TMEM196: variants seen among roughly 807,000 people sequenced by gnomAD.
TMEM196 encodes the protein transmembrane protein 196.
TMEM196 carries 17 observed loss-of-function variants against 20.0 expected under a neutral mutation model. That is an observed-to-expected ratio of 0.85 (90% CI 0.58 to 1.27). The LOEUF (loss-of-function observed/expected upper bound fraction) is 1.27, where lower values mean the gene tolerates loss of function less well. TMEM196 is among the 50% of genes most tolerant of loss of function. The pLI, the probability that TMEM196 is intolerant of heterozygous loss-of-function variation, is 0.00. For synonymous variants in TMEM196, 113 were observed against 88.9 expected (o/e 1.27, Z -1.52); for missense variants, 267 against 223.0 (o/e 1.20, Z -1.26).
At chr7:19,723,590 C>CA (rs1287929335) in intron 4 of TMEM196, among the ~76,000 whole-genome samples, 12 of 151,998 alleles carry the variant, frequency 7.9e-5, no homozygotes, top group African/African-American at 2.4e-4. Context: ...CTCCAGTTTG[C>CA]AAAAAAATTT....
intron 1 of TMEM196, among the ~76,000 whole-genome samples, chr7:19,759,323 G>C (rs1785338467): frequency 6.6e-6 from 1 of 151,992 alleles, no homozygotes; most frequent in Non-Finnish European, 1.5e-5. Flanking sequence ...CCACTCTTTT[G>C]GTCCTCAGCA....
chr7:19,765,002 C>G lies in TMEM196; in HGVS notation c.147+7548G>C, dbSNP rs193007649. 2.3e-4 allele frequency among the ~76,000 whole-genome samples: 35 copies of G among 152,242 alleles called. No homozygotes were observed. The East Asian group carries it at 5.6e-3, about 24-fold the overall frequency. On this transcript the variant is annotated intron_variant, in intron 1 of 4. Coordinates refer to ENST00000405844, the MANE Select transcript of TMEM196 (RefSeq NM_001363562.2). ...AGACTTTGAAACAATATTGCTCTGA[C>G]TTAAAGTACTGACTAAGCTGATTAA...
At chr7:19,728,245 C>G (rs894373114) in intron 2 of TMEM196, among the ~76,000 whole-genome samples, 3 of 151,622 alleles carry the variant, frequency 2.0e-5, no homozygotes, top group African/African-American at 7.3e-5. Context: ...TGCTTCCTTG[C>G]TTGTTTACTT....
chr7:19,770,952 G>C (rs1040968064), intron 1 of TMEM196, among the ~76,000 whole-genome samples: 1 of 142,668 alleles, frequency 7.0e-6, no homozygotes, highest in African/African-American at 2.5e-5. Context: ...GAATTTCGTT[G>C]GGGGCGGGGA....
intron 1 of TMEM196, among the ~76,000 whole-genome samples, chr7:19,755,689 C>A (rs914100907): frequency 3.3e-5 from 5 of 152,102 alleles, no homozygotes; most frequent in Non-Finnish European, 5.9e-5. Flanking sequence ...AAAAATAACA[C>A]AAATTGTCTT....
Position 19,759,177 on chromosome 7 carries a change from A to T in TMEM196, c.147+13373T>A, listed in dbSNP as rs187043182. Among the ~76,000 whole-genome samples, 6 of 152,264 alleles carry T rather than the reference A, an allele frequency of 3.9e-5. No homozygotes were observed. The East Asian group carries it at 1.2e-3, about 29-fold the overall frequency. On this transcript the variant is annotated intron_variant, in intron 1 of 4. Coordinates refer to ENST00000405844, the MANE Select transcript of TMEM196 (RefSeq NM_001363562.2). ...TACAATGTCTAGATTCTCAATTCTC[A>T]TTATATTTTCAGCACACATTGGCCT... is the stretch of plus-strand genomic sequence containing the variant.
In TMEM196 at chr7:19,732,972, G is replaced by C. The variant is rs191185251; in HGVS notation, c.148-3534C>G. The stretch of plus-strand genomic sequence containing the variant: ...CTGATAGCTGTATGTATGTGCATAT[G>C]TGTAAAGCCTGAACCATGAGAAAAT... On this transcript the variant is annotated intron_variant, in intron 1 of 4. Coordinates refer to ENST00000405844, the MANE Select transcript of TMEM196 (RefSeq NM_001363562.2). 3.3e-4 allele frequency among the ~76,000 whole-genome samples: 51 copies of C among 152,326 alleles called. No individual in the cohort carries two copies. In the East Asian group the frequency reaches 8.9e-3, roughly 26 times the overall value.
At chr7:19,728,462 G>T (rs1174273082) in intron 2 of TMEM196, among the ~76,000 whole-genome samples, 2 of 152,208 alleles carry the variant, frequency 1.3e-5, no homozygotes, top group Middle Eastern at 3.4e-3. Flanking sequence ...GTCTAAAGCA[G>T]TGAGGGCTTT....
chr7:19,770,538 A>G, intron 1 of TMEM196, among the ~76,000 whole-genome samples: 1 of 152,310 alleles, frequency 6.6e-6, no homozygotes, highest in Non-Finnish European at 1.5e-5. Flanking sequence ...GGGTTTATAA[A>G]AGTGAGCAAC....
At chr7:19,738,686 G>T (rs955297080) in intron 1 of TMEM196, among the ~76,000 whole-genome samples, 1 of 152,008 alleles carries the variant, frequency 6.6e-6, no homozygotes, top group African/African-American at 2.4e-5. Flanking sequence ...AATGACTAAA[G>T]GCTGGAGCAA....
chr7:19,730,387 C>T (rs1784162625), intron 1 of TMEM196, among the ~76,000 whole-genome samples: 1 of 152,070 alleles, frequency 6.6e-6, no homozygotes, highest in Non-Finnish European at 1.5e-5. Context: ...CAAGGAGAGA[C>T]TATTAGATAT....
chr7:19,740,133 C>G (rs551691631), intron 1 of TMEM196, among the ~76,000 whole-genome samples: 45 of 152,180 alleles, frequency 3.0e-4, no homozygotes, highest in African/African-American at 1.1e-3. Context: ...CAGTAGATAA[C>G]TGGTTAAATT....
chr7:19,771,919 C>T (rs1443927222), intron 1 of TMEM196, among the ~76,000 whole-genome samples: 1 of 152,188 alleles, frequency 6.6e-6, no homozygotes, highest in Non-Finnish European at 1.5e-5. Flanking sequence ...CTGTCTAGAA[C>T]TTACAAAAGC....
At chr7:19,744,489 G>A (rs747258039) in intron 1 of TMEM196, among the ~76,000 whole-genome samples, 6 of 152,116 alleles carry the variant, frequency 3.9e-5, no homozygotes, top group South Asian at 2.1e-4. Flanking sequence ...TACCCACAAA[G>A]GTTGCAGCAA....
intron 1 of TMEM196, among the ~76,000 whole-genome samples, chr7:19,748,606 T>C (rs922019918): frequency 1.3e-5 from 2 of 152,172 alleles, no homozygotes; most frequent in Non-Finnish European, 2.9e-5. Flanking sequence ...GGTAGTACTA[T>C]GCCTAAGGGA....
intron 1 of TMEM196, among the ~76,000 whole-genome samples, chr7:19,736,410 C>T (rs1009249422): frequency 5.9e-5 from 7 of 118,058 alleles, no homozygotes; most frequent in Non-Finnish European, 1.8e-5. Flanking sequence ...TAAATTATCT[C>T]TGTAAAATGG....
chr7:19,721,999 G>A lies in TMEM196; in HGVS notation c.*129C>T. Reference sequence around the variant, plus strand: ...AGAGATAAATGCAAATGCAAAAACTGTTTTATTTTCTAGTCCTTTGGTGTC... The same window carrying A: ...AGAGATAAATGCAAATGCAAAAACTATTTTATTTTCTAGTCCTTTGGTGTC... On this transcript the variant is annotated 3_prime_UTR_variant, in exon 5 of 5. Coordinates refer to ENST00000405844, the MANE Select transcript of TMEM196 (RefSeq NM_001363562.2). The A allele has an allele frequency of 7.8e-7, 1 of 1,279,718 alleles. No homozygotes were observed. The highest frequency in any genetic ancestry group is 1.3e-5 in the South Asian group (1 of 77,692). The allele number at this position is 1,279,718 out of a possible 1,614,324, so 79.3% of individuals were successfully genotyped here. A position where few individuals can be genotyped will look rare whatever the true frequency, so the allele number is the denominator to read the frequency against.
chr7:19,772,281 T>C (rs1320947755), intron 1 of TMEM196, among the ~76,000 whole-genome samples: 1 of 124,788 alleles, frequency 8.0e-6, no homozygotes, highest in Non-Finnish European at 1.6e-5. Flanking sequence ...CAGTGGAAAC[T>C]AACCCCCCAC....
chr7:19,727,377 A>G (rs759727364), intron 2 of TMEM196, among the ~76,000 whole-genome samples: 4 of 152,168 alleles, frequency 2.6e-5, no homozygotes, highest in African/African-American at 4.8e-5. Context: ...AGTAACTACA[A>G]GTAGTTAATT....
Sources: gnomAD v4.1 joint callset for allele counts (sites outside exome capture counted in the v4.1 genomes callset) on GRCh38, gnomAD v4.1.1 for gene constraint, MANE v1.5 for transcripts, NCBI Gene and HGNC (gene_info 2026-07-23, HGNC 2026-07-21) for gene names.